Variants in MEGF11 observed in about 807,000 individuals in gnomAD.
MEGF11 encodes the protein multiple EGF like domains 11.
A neutral mutation model predicts 146.6 loss-of-function variants in MEGF11; 126 were observed. The observed-to-expected ratio is 0.86, with a 90% CI of 0.74 to 1.00. The LOEUF (loss-of-function observed/expected upper bound fraction) is 1.00. Ranked by LOEUF, MEGF11 falls within the 50% of genes least tolerant of loss-of-function variation. The probability of loss-of-function intolerance (pLI) is 0.00; values close to 1 mark genes in which losing one functional copy is unlikely to be tolerated. For missense variants in MEGF11, 1,509 were observed against 1,521.2 expected, an observed-to-expected ratio of 0.99 and a Z score of 0.13; for synonymous variants, 532 against 583.4, an observed-to-expected ratio of 0.91 and a Z score of 1.27.
intron 5 of MEGF11, among the ~76,000 whole-genome samples, chr15:65,985,957 T>C (rs2081841518): frequency 6.6e-6 from 1 of 151,808 alleles, no homozygotes; most frequent in Admixed American, 6.6e-5. Context: ...GTCTGCATTT[T>C]TTTTTTTTTT....
intron 1 of MEGF11, among the ~76,000 whole-genome samples, chr15:66,195,751 G>A (rs2090992386): frequency 6.6e-6 from 1 of 152,214 alleles, no homozygotes; most frequent in Admixed American, 6.5e-5. Flanking sequence ...TAGCATGTAG[G>A]TTCCCTCAGA....
intron 7 of MEGF11, among the ~76,000 whole-genome samples, chr15:65,979,000 G>A (rs1484851204): frequency 2.0e-5 from 3 of 149,290 alleles, no homozygotes; most frequent in Non-Finnish European, 3.0e-5. Context: ...CTTACCTAGA[G>A]CACCTCAATA....
At chr15:66,221,740 C>T (rs1460093947) in intron 1 of MEGF11, among the ~76,000 whole-genome samples, 1 of 152,032 alleles carries the variant, frequency 6.6e-6, no homozygotes, top group Non-Finnish European at 1.5e-5. Flanking sequence ...CTCTCTCTTC[C>T]TACTATAATT....
chr15:66,158,522 T>A (rs1597127234), intron 1 of MEGF11, among the ~76,000 whole-genome samples: 1 of 152,326 alleles, frequency 6.6e-6, no homozygotes, highest in Admixed American at 6.5e-5. Context: ...CAGACAGCCC[T>A]GTGCACCCCT....
chr15:66,116,438 T>TAGCA (rs2087733714), intron 4 of MEGF11, among the ~76,000 whole-genome samples: 1 of 152,162 alleles, frequency 6.6e-6, no homozygotes, highest in South Asian at 2.1e-4. Context: ...GTACACCCTG[T>TAGCA]AGCATACTCT....
At chr15:66,097,683 G>A (rs139163971) in intron 4 of MEGF11, among the ~76,000 whole-genome samples, 14 of 148,658 alleles carry the variant, frequency 9.4e-5, no homozygotes, top group Admixed American at 2.1e-4. Flanking sequence ...TCACCACCCT[G>A]CTTCAGTCCT....
At chr15:66,202,548 C>G in intron 1 of MEGF11, among the ~76,000 whole-genome samples, 1 of 152,206 alleles carries the variant, frequency 6.6e-6, no homozygotes, top group Non-Finnish European at 1.5e-5. Context: ...AGGGGTGGCC[C>G]TGGCCCCAGC....
chr15:66,102,162 C>T (rs1000277486), intron 4 of MEGF11, among the ~76,000 whole-genome samples: 13 of 37,332 alleles, frequency 3.5e-4, no homozygotes, highest in East Asian at 9.9e-4. Flanking sequence ...CAGATCTGCT[C>T]GTGGCCGGCT....
At chr15:65,989,645 G>A (rs1383575294) in intron 5 of MEGF11, among the ~76,000 whole-genome samples, 5 of 152,230 alleles carry the variant, frequency 3.3e-5, no homozygotes, top group African/African-American at 9.6e-5. Context: ...CAAGTTCTCC[G>A]AGGCTGAGCC....
chr15:65,974,126 C>T (rs2081378952), intron 7 of MEGF11, among the ~76,000 whole-genome samples: 1 of 152,174 alleles, frequency 6.6e-6, no homozygotes, highest in African/African-American at 2.4e-5. Flanking sequence ...TAATCACCAA[C>T]CCTGCAGAAG....
chr15:66,182,238 C>T (rs1345216600), intron 1 of MEGF11, among the ~76,000 whole-genome samples: 1 of 152,178 alleles, frequency 6.6e-6, no homozygotes, highest in Non-Finnish European at 1.5e-5. Flanking sequence ...CCCATCCTCT[C>T]ACAAGCCCTG....
rs2081705448 is a variant in MEGF11 at position 65,982,818 on chromosome 15, G to A, written c.395-330C>T. Reference sequence around the variant, plus strand: ...TATTGAAATTCCGGAGCCACAAGCTGTTTACATCCCTCTTTGCTAAGCTCT... The same window carrying A: ...TATTGAAATTCCGGAGCCACAAGCTATTTACATCCCTCTTTGCTAAGCTCT... On this transcript the variant is annotated intron_variant, in intron 5 of 25. Transcript: ENST00000395614. This position sits in a 1 kb window ranked among gnomAD's most constrained non-coding sequence, Gnocchi z 5.6. 6.6e-6 allele frequency among the ~76,000 whole-genome samples: 1 copy of A among 152,158 alleles called. No homozygotes were observed. Among genetic ancestry groups the A allele is most frequent in the Non-Finnish European group, 1.5e-5 (1 of 68,018 alleles).
chr15:65,918,015 A>T lies in MEGF11; in HGVS notation c.2037T>A (p.Asp679Glu). Residue 679 changes from aspartate (D) to glutamate (E), a missense_variant, in exon 16 of 26, where the codon GAT becomes GAA. Coordinates refer to ENST00000395614, the MANE Select transcript of MEGF11 (RefSeq NM_001385028.1). ...CANNGTCSPI[D>E]GSCQCFPGWI... is the part of the protein sequence containing the mutation. ...ATCCAGGAAAGCACTGGCAGGAGCC[A>T]TCGATAGGGCTGCAGGTCCCGTTGT... The T allele has an allele frequency of 6.2e-7, 1 of 1,614,050 alleles. No homozygotes were observed. Among genetic ancestry groups the T allele is most frequent in the African/African-American group, 1.3e-5 (1 of 75,058 alleles).
chr15:66,251,679 GT>G (rs1404593966), intron 1 of MEGF11, among the ~76,000 whole-genome samples: 1 of 152,212 alleles, frequency 6.6e-6, no homozygotes, highest in Non-Finnish European at 1.5e-5. Context: ...AAGCAGTAAA[GT>G]TAGAGTGGAA....
chr15:66,177,746 G>A (rs531823236), intron 1 of MEGF11, among the ~76,000 whole-genome samples: 14 of 150,870 alleles, frequency 9.3e-5, no homozygotes, highest in Admixed American at 2.0e-4. Flanking sequence ...GTGCAGTGGC[G>A]GAATCACAGC....
chr15:66,027,364 G>C (rs144737621), intron 5 of MEGF11, among the ~76,000 whole-genome samples: 2 of 152,300 alleles, frequency 1.3e-5, no homozygotes, highest in East Asian at 3.9e-4. Context: ...GAGTACCAGT[G>C]ACCACGTCAA....
intron 1 of MEGF11, among the ~76,000 whole-genome samples, chr15:66,239,709 G>A (rs995920422): frequency 1.3e-5 from 2 of 152,170 alleles, no homozygotes; most frequent in Non-Finnish European, 2.9e-5. Flanking sequence ...CCGTACCAGG[G>A]TCCACCCACC....
At chr15:66,200,372 G>T (rs776052451) in intron 1 of MEGF11, among the ~76,000 whole-genome samples, 2 of 152,208 alleles carry the variant, frequency 1.3e-5, no homozygotes, top group African/African-American at 4.8e-5. Context: ...TAAACCCAAA[G>T]ACTGTTTTGA....
intron 5 of MEGF11, among the ~76,000 whole-genome samples, chr15:66,063,139 A>T (rs1034507607): frequency 1.3e-5 from 2 of 152,248 alleles, no homozygotes; most frequent in Non-Finnish European, 2.9e-5. Flanking sequence ...TCAAATGCTA[A>T]CAAGTTACAT....
Sources: allele counts gnomAD v4.1 joint callset (sites outside exome capture counted in the v4.1 genomes callset), GRCh38; gene constraint gnomAD v4.1.1; non-coding constraint Gnocchi (gnomAD v3.1); transcripts MANE v1.5; gene names NCBI Gene and HGNC (gene_info 2026-07-23, HGNC 2026-07-21).